The following APLF variants were observed in gnomAD, a reference collection of about 807,000 sequenced individuals.
APLF encodes aprataxin and PNKP like factor.
APLF carries 61 observed loss-of-function variants against 55.6 expected under a neutral mutation model. The observed-to-expected ratio is 1.10, with a 90% CI of 0.89 to 1.36. The LOEUF (loss-of-function observed/expected upper bound fraction) is 1.36, where lower values mean the gene tolerates loss of function less well. APLF is among the 40% of genes most tolerant of loss of function. The pLI, the probability that APLF is intolerant of heterozygous loss-of-function variation, is 0.00. For synonymous variants in APLF, 207 were observed against 214.8 expected (o/e 0.96, Z 0.32); for missense variants, 611 against 602.5 (o/e 1.01, Z -0.15).
intron 8 of APLF, among the ~76,000 whole-genome samples, chr2:68,551,661 A>C (rs1670869483): frequency 1.0e-5 from 1 of 96,970 alleles, no homozygotes; most frequent in Admixed American, 1.0e-4. Flanking sequence ...TTTTTAATTC[A>C]TTTTCCCCAA....
At chr2:68,483,193 C>T (rs1374498812) in intron 1 of APLF, among the ~76,000 whole-genome samples, 2 of 152,096 alleles carry the variant, frequency 1.3e-5, no homozygotes, top group African/African-American at 2.4e-5. Context: ...GGGTGGGGAG[C>T]GCATAACACG....
At position 68,546,888 on chromosome 2, in the gene APLF, G is replaced by A. The variant is rs145680353; in HGVS notation, c.1286+1576G>A. 8.6e-4 allele frequency among the ~76,000 whole-genome samples: 131 copies of A among 151,818 alleles called. 1 individual carries two copies. Among genetic ancestry groups the A allele is most frequent in the African/African-American group, 3.1e-3 (128 of 41,516 alleles). ...CCACTTCAGTTCATCATTATGTGGC[G>A]ATTCAAGACAGTATACTAAGACAAG... On this transcript the variant is annotated intron_variant, in intron 8 of 9. Coordinates refer to ENST00000303795, the MANE Select transcript of APLF (RefSeq NM_173545.3).
intron 2 of APLF, among the ~76,000 whole-genome samples, chr2:68,493,101 A>T (rs111697516): frequency 0.025 from 3,874 of 152,198 alleles, 65 homozygotes; most frequent in South Asian, 0.043. Context: ...TTCTCTTGGC[A>T]TTGGGTGTCT....
intron 8 of APLF, among the ~76,000 whole-genome samples, chr2:68,565,573 T>C (rs1034555551): frequency 1.3e-5 from 2 of 151,330 alleles, no homozygotes; most frequent in East Asian, 3.9e-4. Context: ...AAGAAGTTAA[T>C]ATTTGGAGCA....
intron 1 of APLF, among the ~76,000 whole-genome samples, chr2:68,470,246 TGAAATTGC>T (rs1675575343): frequency 6.6e-6 from 1 of 152,238 alleles, no homozygotes; most frequent in Admixed American, 6.5e-5. Context: ...ATAACATCAT[TGAAATTGC>T]GAAATTGCAA....
intron 1 of APLF, among the ~76,000 whole-genome samples, chr2:68,488,885 T>C (rs1055465906): frequency 6.6e-6 from 1 of 152,124 alleles, no homozygotes; most frequent in Admixed American, 6.5e-5. Context: ...TGACGAGTTA[T>C]TGGGTACAGC....
At chr2:68,565,562 A>C (rs1039683817) in intron 8 of APLF, among the ~76,000 whole-genome samples, 5 of 143,752 alleles carry the variant, frequency 3.5e-5, no homozygotes, top group African/African-American at 1.1e-4. Context: ...TACATAGATA[A>C]AAGAAGTTAA....
intron 5 of APLF, among the ~76,000 whole-genome samples, chr2:68,525,687 T>C (rs1262512517): frequency 6.6e-6 from 1 of 151,412 alleles, no homozygotes; most frequent in Non-Finnish European, 1.5e-5. Flanking sequence ...TTAGCATTAC[T>C]ATAAATGGAC....
At chr2:68,542,570 T>G (rs544275075) in intron 7 of APLF, among the ~76,000 whole-genome samples, 43 of 152,166 alleles carry the variant, frequency 2.8e-4, no homozygotes, top group African/African-American at 9.9e-4. Flanking sequence ...CACTAAACAT[T>G]AGGGAAATGC....
intron 8 of APLF, among the ~76,000 whole-genome samples, chr2:68,552,261 C>T (rs1369447766): frequency 6.6e-6 from 1 of 152,142 alleles, no homozygotes; most frequent in Non-Finnish European, 1.5e-5. Flanking sequence ...CAGCCTCTCA[C>T]ACCTCTCAGG....
In APLF at chr2:68,577,964, AG is replaced by A; in HGVS notation, c.1479del (p.Lys494ArgfsTer8). 1.2e-6 allele frequency: 2 copies of A among 1,613,640 alleles called. No individual in the cohort carries two copies. The highest frequency in any genetic ancestry group is 1.7e-6 in the Non-Finnish European group (2 of 1,179,708). ...TGGGAACCAGGAAAGGAAGATGAAG[AG>A]AAGGAAGATGTGGAAGAGCTTTTGA... Reference protein sequence around the residue: ...SDWEPGKEDEEKEDVEELLKE... With the variant: ...SDWEPGKEDEXKEDVEELLKE... On this transcript the variant is annotated frameshift_variant, in exon 10 of 10. Transcript: ENST00000303795. LOFTEE classifies it high-confidence loss of function.
At chr2:68,475,477 A>G (rs1434724966) in intron 1 of APLF, among the ~76,000 whole-genome samples, 2 of 152,206 alleles carry the variant, frequency 1.3e-5, no homozygotes. Flanking sequence ...ATAACCTACC[A>G]TTTACACCAT....
intron 5 of APLF, among the ~76,000 whole-genome samples, chr2:68,525,043 C>T (rs753836573): frequency 2.2e-4 from 33 of 152,138 alleles, no homozygotes; most frequent in Non-Finnish European, 3.4e-4. Flanking sequence ...CCTGTAATCC[C>T]AGCACTTTGG....
chr2:68,566,449 C>T (rs865912586), intron 8 of APLF, among the ~76,000 whole-genome samples: 5 of 152,174 alleles, frequency 3.3e-5, no homozygotes, highest in Admixed American at 1.3e-4. Context: ...ATCCTCATTG[C>T]CTGCTTAGAG....
intron 1 of APLF, among the ~76,000 whole-genome samples, chr2:68,483,600 G>A (rs576517781): frequency 1.3e-5 from 2 of 152,102 alleles, no homozygotes; most frequent in Admixed American, 6.5e-5. Flanking sequence ...ATTCATACAA[G>A]ATAATTTTTA....
At chr2:68,510,075 G>C (rs935307039) in intron 3 of APLF, among the ~76,000 whole-genome samples, 2 of 137,926 alleles carry the variant, frequency 1.5e-5, no homozygotes, top group Non-Finnish European at 3.1e-5. Flanking sequence ...TTGTGGAGTG[G>C]GGGGAGGGGG....
chr2:68,501,322 G>A (rs1676713705), intron 2 of APLF, among the ~76,000 whole-genome samples: 1 of 151,930 alleles, frequency 6.6e-6, no homozygotes, highest in South Asian at 2.1e-4. Flanking sequence ...TTCCCAGGGT[G>A]GTAATTACTT....
intron 9 of APLF, among the ~76,000 whole-genome samples, chr2:68,576,964 C>G (rs1320136159): frequency 6.6e-6 from 1 of 152,102 alleles, no homozygotes; most frequent in African/African-American, 2.4e-5. Flanking sequence ...TTTAAAGCAA[C>G]TCTGTAGCTC....
intron 8 of APLF, among the ~76,000 whole-genome samples, chr2:68,555,484 C>A (rs1263954664): frequency 6.6e-6 from 1 of 151,894 alleles, no homozygotes; most frequent in African/African-American, 2.4e-5. Flanking sequence ...GCAATCCAAT[C>A]AAAAAGTAGG....
Sources: allele counts gnomAD v4.1 joint callset (sites outside exome capture counted in the v4.1 genomes callset), GRCh38; gene constraint gnomAD v4.1.1; transcripts MANE v1.5; gene names NCBI Gene and HGNC (gene_info 2026-07-23, HGNC 2026-07-21).